The following SLC8A3 variants were observed in gnomAD, a reference collection of about 807,000 sequenced individuals.
SLC8A3 encodes the protein sodium/calcium exchanger 3.
Under a neutral mutation model 65.4 loss-of-function variants are expected in SLC8A3, and 37 were observed. The observed-to-expected ratio is 0.57, with a 90% confidence interval of 0.44 to 0.74. The LOEUF (loss-of-function observed/expected upper bound fraction) is 0.74, where lower values mean the gene tolerates loss of function less well. Ranked by LOEUF, SLC8A3 falls within the 30% of genes least tolerant of loss-of-function variation. SLC8A3 has a pLI of 0.00. For synonymous variants in SLC8A3, 461 were observed against 444.5 expected, an observed-to-expected ratio of 1.04 and a Z score of -0.47; for missense variants, 1,112 against 1,172.1, an observed-to-expected ratio of 0.95 and a Z score of 0.75.
chr14:70,099,741 C>T lies in SLC8A3; in HGVS notation c.1785-38802G>A, dbSNP rs186778617. Among the ~76,000 whole-genome samples the T allele has an allele frequency of 5.4e-4, 82 of 152,310 alleles. No homozygotes were observed. The Middle Eastern group carries it at 0.031, about 57-fold the overall frequency. ...ACTAAGCATCAGATATGCATCCTTA[C>T]GATTGATTCAGGAATTATATTCAGA... On this transcript the variant is annotated intron_variant, in intron 2 of 6. Transcript: ENST00000356921.
chr14:70,138,508 C>A (rs1446921344), intron 2 of SLC8A3, among the ~76,000 whole-genome samples: 2 of 152,224 alleles, frequency 1.3e-5, no homozygotes, highest in African/African-American at 4.8e-5. Flanking sequence ...GCCTACTGCA[C>A]CATTCATCGG....
chr14:70,090,797 T>C (rs1891750335), intron 2 of SLC8A3, among the ~76,000 whole-genome samples: 1 of 152,182 alleles, frequency 6.6e-6, no homozygotes, highest in Admixed American at 6.5e-5. Context: ...AATGTGTAAA[T>C]CTCTAAGTGT....
intron 2 of SLC8A3, chr14:70,080,340 T>G (rs1890947878): frequency 1.1e-5 from 6 of 564,800 alleles, no homozygotes; most frequent in Non-Finnish European, 1.3e-5. Context: ...TGGCCTTGGC[T>G]GTGGACTGTT....
chr14:70,052,650 G>T (rs1887638981), intron 3 of SLC8A3, among the ~76,000 whole-genome samples: 1 of 152,112 alleles, frequency 6.6e-6, no homozygotes, highest in Non-Finnish European at 1.5e-5. Context: ...TCCATTTTAA[G>T]AGCACTTCTC....
At chr14:70,068,349 A>C (rs1197388035) in intron 2 of SLC8A3, among the ~76,000 whole-genome samples, 1 of 152,194 alleles carries the variant, frequency 6.6e-6, no homozygotes, top group Admixed American at 6.5e-5. Context: ...CACCACCATG[A>C]GAACCATAAG....
chr14:70,080,104 C>A (rs1342993672), intron 2 of SLC8A3: 2 of 985,566 alleles, frequency 2.0e-6, no homozygotes, highest in Middle Eastern at 1.0e-3. Context: ...TTCCTTGACC[C>A]CTTCCTTTGA....
chr14:70,179,863 G>T (rs1366489281), intron 1 of SLC8A3, among the ~76,000 whole-genome samples: 1 of 152,102 alleles, frequency 6.6e-6, no homozygotes, highest in African/African-American at 2.4e-5. Context: ...GAAGAAATTG[G>T]GGCTCATTTA....
At chr14:70,103,330 T>C (rs940714602) in intron 2 of SLC8A3, among the ~76,000 whole-genome samples, 1 of 152,012 alleles carries the variant, frequency 6.6e-6, no homozygotes, top group African/African-American at 2.4e-5. Flanking sequence ...CAGATAAGAC[T>C]GAAACAGGTA....
intron 2 of SLC8A3, among the ~76,000 whole-genome samples, chr14:70,155,792 A>G (rs573739530): frequency 6.6e-6 from 1 of 152,222 alleles, no homozygotes; most frequent in Non-Finnish European, 1.5e-5. Flanking sequence ...AACAACTTTA[A>G]ACAATGAGTG....
At chr14:70,098,780 T>C (rs939886777) in intron 2 of SLC8A3, among the ~76,000 whole-genome samples, 1 of 152,124 alleles carries the variant, frequency 6.6e-6, no homozygotes, top group African/African-American at 2.4e-5. Context: ...AGCTGAGAAA[T>C]AATTAAATGA....
At chr14:70,185,372 G>A (rs1459136680) in intron 1 of SLC8A3, among the ~76,000 whole-genome samples, 1 of 152,198 alleles carries the variant, frequency 6.6e-6, no homozygotes, top group Non-Finnish European at 1.5e-5. Context: ...TGCAGGCTGG[G>A]GAACATGCCT....
intron 2 of SLC8A3, among the ~76,000 whole-genome samples, chr14:70,133,010 A>C (rs867340384): frequency 4.0e-5 from 6 of 149,084 alleles, no homozygotes; most frequent in East Asian, 2.0e-4. Flanking sequence ...CACTCAATAA[A>C]CCCCCCCAAA....
chr14:70,166,523 C>A, intron 2 of SLC8A3, 116 bp downstream of exon 2: 2 of 673,622 alleles, frequency 3.0e-6, no homozygotes, highest in East Asian at 2.6e-5. Context: ...GTGATGGAAC[C>A]AAAGTTTGAC....
At chr14:70,147,082 C>T (rs1012402535) in intron 2 of SLC8A3, among the ~76,000 whole-genome samples, 3 of 152,160 alleles carry the variant, frequency 2.0e-5, no homozygotes, top group Non-Finnish European at 4.4e-5. Flanking sequence ...CTTTATGGAA[C>T]ATAACTGCTA....
At chr14:70,074,097 A>G (rs1890259920) in intron 2 of SLC8A3, among the ~76,000 whole-genome samples, 1 of 152,218 alleles carries the variant, frequency 6.6e-6, no homozygotes, top group African/African-American at 2.4e-5. Context: ...GCACAACTGC[A>G]CTGGGCTCCA....
intron 1 of SLC8A3, among the ~76,000 whole-genome samples, chr14:70,181,228 C>G (rs76704894): frequency 0.031 from 4,695 of 152,244 alleles, 82 homozygotes; most frequent in Middle Eastern, 0.058. Context: ...TTCATTGCCT[C>G]CTCTATGACA....
intron 1 of SLC8A3, among the ~76,000 whole-genome samples, chr14:70,186,666 GA>G (rs1276209505): frequency 6.6e-6 from 1 of 152,166 alleles, no homozygotes; most frequent in Non-Finnish European, 1.5e-5. Flanking sequence ...TGTGTGTGGG[GA>G]CTGCTGCTGG....
At chr14:70,052,393 G>C in intron 3 of SLC8A3, among the ~76,000 whole-genome samples, 1 of 152,208 alleles carries the variant, frequency 6.6e-6, no homozygotes, top group Non-Finnish European at 1.5e-5. Flanking sequence ...ATCAAGTGAA[G>C]TTCTCAAGAC....
rs780062241 is a variant in SLC8A3, at chr14:70,049,010, C to T, written c.2146G>A (p.Glu716Lys). 1.2e-6 allele frequency: 2 copies of T among 1,613,554 alleles called. No homozygotes were observed. Among genetic ancestry groups the T allele is most frequent in the Non-Finnish European group, 1.7e-6 (2 of 1,179,622 alleles). ...TAGTCAAAGCAGGAGGGCAGCCTCT[C>T]CTCCCCGGATTCATCCTCATCCTCA... Reference protein sequence around the residue: ...GDEDEDESGEERLPSCFDYVM... With the variant: ...GDEDEDESGEKRLPSCFDYVM... The change falls in exon 6 of 7, where the codon GAG becomes AAG. Residue 716 changes from glutamate (E) to lysine (K), a missense_variant. Coordinates refer to ENST00000356921, the MANE Select transcript of SLC8A3 (RefSeq NM_182932.3).
Sources: allele counts gnomAD v4.1 joint callset (sites outside exome capture counted in the v4.1 genomes callset), GRCh38; gene constraint gnomAD v4.1.1; transcripts MANE v1.5; gene names NCBI Gene and HGNC (gene_info 2026-07-23, HGNC 2026-07-21).